INVS: variants seen among roughly 807,000 people sequenced by gnomAD.
The protein encoded by INVS is inversion of embryo turning homolog.
INVS carries 86 observed loss-of-function variants against 108.8 expected under a neutral mutation model. That is an observed-to-expected ratio of 0.79 (90% confidence interval 0.66 to 0.95). INVS has a LOEUF of 0.95. INVS is among the 40% of genes least tolerant of loss of function. The probability of loss-of-function intolerance (pLI) is 0.00; values close to 1 mark genes in which losing one functional copy is unlikely to be tolerated. For missense variants in INVS, 1,169 were observed against 1,297.4 expected, an observed-to-expected ratio of 0.90 and a Z score of 1.52; for synonymous variants, 455 against 473.5, an observed-to-expected ratio of 0.96 and a Z score of 0.51.
intron 16 of INVS, among the ~76,000 whole-genome samples, chr9:100,299,638 AC>A (rs1490146358): frequency 1.0e-3 from 11 of 10,662 alleles, no homozygotes; most frequent in African/African-American, 6.5e-3. Context: ...TTTTATTGAC[AC>A]ACACACACAC....
intron 3 of INVS, among the ~76,000 whole-genome samples, chr9:100,145,006 G>C (rs867325859): frequency 1.3e-5 from 2 of 152,168 alleles, no homozygotes; most frequent in Middle Eastern, 3.2e-3. Flanking sequence ...TGGAAAAATC[G>C]AAAGTGCCGT....
intron 2 of INVS, among the ~76,000 whole-genome samples, chr9:100,113,312 G>T (rs920758592): frequency 6.6e-6 from 1 of 152,116 alleles, no homozygotes; most frequent in Non-Finnish European, 1.5e-5. Context: ...CTTCAAAAAA[G>T]TTCTGAAAAA....
chr9:100,139,890 G>A (rs1244930486), intron 3 of INVS, among the ~76,000 whole-genome samples: 5 of 152,084 alleles, frequency 3.3e-5, no homozygotes, highest in South Asian at 2.1e-4. Flanking sequence ...CTATCAGCCC[G>A]CCTTGGCCCA....
At chr9:100,199,633 T>G (rs1386358564) in intron 3 of INVS, among the ~76,000 whole-genome samples, 1 of 152,180 alleles carries the variant, frequency 6.6e-6, no homozygotes, top group African/African-American at 2.4e-5. Context: ...AACTATATCA[T>G]TTTATTGTTT....
In INVS at chr9:100,233,977, T is replaced by A. The variant is rs1042798840; in HGVS notation, c.615+4150T>A. 2.5e-4 allele frequency among the ~76,000 whole-genome samples: 38 copies of A among 152,214 alleles called. 1 individual carries two copies. The stretch of plus-strand genomic sequence containing the variant: ...CTCCTCTTTGTACCTCTGGTAGAAT[T>A]TGGCTGTGAATCCATCTGGTCCTGG... On this transcript the variant is annotated intron_variant, in intron 5 of 16. Transcript: ENST00000262457.
rs1003585310 is a variant in INVS at position 100,206,227 on chromosome 9, A to G, written c.274-19835A>G. Among the ~76,000 whole-genome samples, 7 of 152,172 alleles carry G rather than the reference A, an allele frequency of 4.6e-5. No individual in the cohort carries two copies. In the South Asian group the frequency reaches 1.0e-3, roughly 23 times the overall value. ...AACTCCTTGTAGACAAGAGGAAAAG[A>G]GTATGTAAAAATGTAAACTGCGATT... On this transcript the variant is annotated intron_variant, in intron 3 of 16. Transcript: ENST00000262457.
chr9:100,226,810 CAA>C (rs59853701), intron 4 of INVS, among the ~76,000 whole-genome samples: 453 of 78,734 alleles, frequency 5.8e-3, no homozygotes, highest in African/African-American at 0.018. Context: ...GAGACTGTCT[CAA>C]AAAAAAAAAA....
In INVS at chr9:100,297,106, C is replaced by T; in HGVS notation, c.2976C>T (p.Gly992=). 1 of 1,614,072 alleles carries T rather than the reference C, an allele frequency of 6.2e-7. No homozygotes were observed. Among genetic ancestry groups the T allele is most frequent in the Non-Finnish European group, 8.5e-7 (1 of 1,180,006 alleles). ...AGAGTCCATCCAAGGGCACCTCAGG[C>T]ACAAAGTCCACCAAGCACTCAGTGC... is the stretch of plus-strand genomic sequence containing the variant. ...APKSPSKGTS[G]TKSTKHSVLK... Residue 992 remains glycine, a synonymous_variant, in exon 15 of 17, where the codon GGC becomes GGT. Transcript: ENST00000262457.
intron 3 of INVS, among the ~76,000 whole-genome samples, chr9:100,153,923 C>T (rs982043403): frequency 2.0e-5 from 3 of 152,170 alleles, no homozygotes; most frequent in African/African-American, 7.2e-5. Context: ...ACTGTCATAA[C>T]GATGATTAAA....
intron 3 of INVS, among the ~76,000 whole-genome samples, chr9:100,191,189 G>C (rs935313145): frequency 6.6e-6 from 1 of 152,060 alleles, no homozygotes; most frequent in Admixed American, 6.6e-5. Flanking sequence ...AATCTCCCAG[G>C]AGTTCTTTCA....
chr9:100,228,471 A>T (rs895988772), intron 4 of INVS, among the ~76,000 whole-genome samples: 1 of 152,226 alleles, frequency 6.6e-6, no homozygotes, highest in South Asian at 2.1e-4. Flanking sequence ...TGAATTTCCT[A>T]TGCATGTATT....
At chr9:100,163,067 C>CA in intron 3 of INVS, among the ~76,000 whole-genome samples, 1 of 152,200 alleles carries the variant, frequency 6.6e-6, no homozygotes, top group Middle Eastern at 3.4e-3. Context: ...AGGTCACCTT[C>CA]ATGGAATTCC....
intron 8 of INVS, among the ~76,000 whole-genome samples, chr9:100,251,169 G>GTTTTGTTTTGT (rs1832222766): frequency 6.6e-6 from 1 of 150,868 alleles, no homozygotes; most frequent in African/African-American, 2.4e-5. Context: ...TTTTTGTTTT[G>GTTTTGTTTTGT]TTTTGTTTTG....
chr9:100,100,788 A>ATATATG lies in INVS; in HGVS notation c.-25+1377_-25+1378insGTATAT, dbSNP rs1554712484. Reference sequence around the variant, plus strand: ...AATATATGTATATATAATATATATTATATATATAATATATGTATATATAAT... The same window carrying ATATATG: ...AATATATGTATATATAATATATATTATATATGTATATATAATATATGTATATATAAT... On this transcript the variant is annotated intron_variant, in intron 1 of 16. Coordinates refer to ENST00000262457, the MANE Select transcript of INVS (RefSeq NM_014425.5). Among the ~76,000 whole-genome samples, 18 of 6,018 alleles carry ATATATG rather than the reference A, an allele frequency of 3.0e-3. 5 individuals carry two copies. The highest frequency in any genetic ancestry group is 0.01 in the Admixed American group (3 of 292). 3.9% of individuals were successfully genotyped at this position (6,018 alleles called of 152,430 possible). A position where few individuals can be genotyped will look rare whatever the true frequency, so the allele number is the denominator to read the frequency against.
At chr9:100,163,186 ATTT>A (rs556149756) in intron 3 of INVS, among the ~76,000 whole-genome samples, 1 of 131,840 alleles carries the variant, frequency 7.6e-6, no homozygotes. Context: ...TGTTCTTTCT[ATTT>A]TTTTTTTTTT....
chr9:100,154,485 A>G (rs1301853259), intron 3 of INVS, among the ~76,000 whole-genome samples: 3 of 151,466 alleles, frequency 2.0e-5, no homozygotes, highest in Non-Finnish European at 2.9e-5. Flanking sequence ...CTGCAAATGT[A>G]CTTTTAGAGA....
intron 11 of INVS, among the ~76,000 whole-genome samples, chr9:100,269,451 A>G (rs982057427): frequency 6.6e-6 from 1 of 152,170 alleles, no homozygotes; most frequent in African/African-American, 2.4e-5. Flanking sequence ...TGCCTCTCAG[A>G]TGGTCCCTGA....
intron 10 of INVS, among the ~76,000 whole-genome samples, chr9:100,258,280 T>C (rs1832491186): frequency 6.6e-6 from 1 of 152,212 alleles, no homozygotes; most frequent in African/African-American, 2.4e-5. Flanking sequence ...GTTTCTATGC[T>C]TTTTATTCTA....
chr9:100,241,293 T>C, intron 6 of INVS, among the ~76,000 whole-genome samples: 1 of 152,146 alleles, frequency 6.6e-6, no homozygotes, highest in Non-Finnish European at 1.5e-5. Flanking sequence ...TAAATTGACT[T>C]TTTGTTCTAT....
Sources: allele counts gnomAD v4.1 joint callset (sites outside exome capture counted in the v4.1 genomes callset), GRCh38; gene constraint gnomAD v4.1.1; transcripts MANE v1.5; gene names NCBI Gene and HGNC (gene_info 2026-07-23, HGNC 2026-07-21).